The following COL5A2 variants were observed in gnomAD, a reference collection of about 807,000 sequenced individuals.
COL5A2 encodes the protein collagen alpha-2(V) chain.
Under a neutral mutation model 208.2 loss-of-function variants are expected in COL5A2, and 23 were observed. The observed-to-expected ratio is 0.11, with a 90% CI of 0.08 to 0.16. The LOEUF (loss-of-function observed/expected upper bound fraction) is 0.16, where lower values mean the gene tolerates loss of function less well. Ranked by LOEUF, COL5A2 falls within the 10% of genes least tolerant of loss-of-function variation. COL5A2 has a pLI of 1.00. For missense variants in COL5A2, 1,590 were observed against 1,956.4 expected, an observed-to-expected ratio of 0.81 and a Z score of 3.53; for synonymous variants, 625 against 628.5, an observed-to-expected ratio of 0.99 and a Z score of 0.08.
At chr2:189,230,524 A>G in the COL5A2 span, among the ~76,000 whole-genome samples, 29 of 151,882 alleles carry the variant, frequency 1.9e-4, 1 homozygote, top group Non-Finnish European at 3.1e-4. Flanking sequence ...AAATGGACAA[A>G]TGACTTAAAT....
the COL5A2 span, among the ~76,000 whole-genome samples, chr2:189,423,542 T>A: frequency 6.6e-6 from 1 of 151,466 alleles, no homozygotes; most frequent in Non-Finnish European, 1.5e-5. Context: ...ACAAAAAATA[T>A]CACAGTGGAT....
At chr2:189,252,313 G>A in the COL5A2 span, among the ~76,000 whole-genome samples, 6 of 152,136 alleles carry the variant, frequency 3.9e-5, no homozygotes, top group East Asian at 1.9e-4. Flanking sequence ...ACATGCACAC[G>A]TATGTTTATT....
intron 22 of COL5A2, 88 bp downstream of exon 22, chr2:189,066,641 A>T: frequency 7.4e-7 from 1 of 1,350,264 alleles, no homozygotes; most frequent in Admixed American, 1.7e-5. Context: ...TATAATTCTC[A>T]TTATTATTTT....
intron 1 of COL5A2, among the ~76,000 whole-genome samples, chr2:189,144,447 G>A (rs1181249171): frequency 2.6e-5 from 4 of 151,994 alleles, no homozygotes; most frequent in Non-Finnish European, 5.9e-5. Flanking sequence ...ATGTATGTTA[G>A]CTTCATAAGG....
chr2:189,334,103 A>G, the COL5A2 span, among the ~76,000 whole-genome samples: 7 of 151,678 alleles, frequency 4.6e-5, no homozygotes, highest in Admixed American at 4.6e-4. Context: ...CAAATTAGGA[A>G]TAGATAGGAA....
the COL5A2 span, chr2:189,311,126 A>G: frequency 3.4e-6 from 2 of 584,264 alleles, no homozygotes; most frequent in Admixed American, 5.6e-5. Flanking sequence ...GAAGTATCCA[A>G]GGCAACCAGG....
intron 1 of COL5A2, among the ~76,000 whole-genome samples, chr2:189,129,137 C>G (rs539569210): frequency 4.7e-5 from 7 of 150,042 alleles, no homozygotes; most frequent in Non-Finnish European, 1.0e-4. Context: ...GTAGAATTCA[C>G]AAACCAAAAA....
At chr2:189,241,702 A>G in the COL5A2 span, among the ~76,000 whole-genome samples, 1 of 152,130 alleles carries the variant, frequency 6.6e-6, no homozygotes, top group Non-Finnish European at 1.5e-5. Flanking sequence ...TAATAAAAAT[A>G]TTTTTCCCAA....
chr2:189,399,780 G>T, the COL5A2 span, among the ~76,000 whole-genome samples: 1 of 151,910 alleles, frequency 6.6e-6, no homozygotes, highest in African/African-American at 2.4e-5. Flanking sequence ...GCTCACTGTA[G>T]CCTCAATCTC....
chr2:189,139,780 G>T (rs1687900686), intron 1 of COL5A2, among the ~76,000 whole-genome samples: 1 of 152,092 alleles, frequency 6.6e-6, no homozygotes, highest in Non-Finnish European at 1.5e-5. Flanking sequence ...TATTTTAAAA[G>T]TGACCAGATG....
At chr2:189,083,909 G>A (rs1686593625) in intron 12 of COL5A2, 75 bp downstream of exon 12, 11 of 1,048,778 alleles carry the variant, frequency 1.0e-5, no homozygotes, top group Non-Finnish European at 1.7e-5. Context: ...TGATACATGT[G>A]CATACAGAGA....
chr2:189,354,565 T>C, the COL5A2 span, among the ~76,000 whole-genome samples: 4 of 152,246 alleles, frequency 2.6e-5, no homozygotes, highest in African/African-American at 9.6e-5. Context: ...TTTATTTGCA[T>C]AGAGGTGTTT....
the COL5A2 span, among the ~76,000 whole-genome samples, chr2:189,321,519 G>A: frequency 1.3e-5 from 2 of 152,166 alleles, no homozygotes; most frequent in African/African-American, 2.4e-5. Context: ...TGCAATCCTA[G>A]TCTCTGATAA....
the COL5A2 span, among the ~76,000 whole-genome samples, chr2:189,382,192 T>A: frequency 6.6e-6 from 1 of 152,008 alleles, no homozygotes; most frequent in Non-Finnish European, 1.5e-5. Flanking sequence ...AAATAAAAGG[T>A]GATATACAGC....
intron 16 of COL5A2, 50 bp from the exon 17 acceptor site, chr2:189,075,487 ATATTTTCTCTTATT>A: frequency 6.9e-7 from 1 of 1,443,498 alleles, no homozygotes; most frequent in East Asian, 2.3e-5. Flanking sequence ...ATTTTAGACT[ATATTTTCTCTTATT>A]TGCCTTATAA....
At chr2:189,139,584 T>C (rs1687896070) in intron 1 of COL5A2, among the ~76,000 whole-genome samples, 1 of 152,150 alleles carries the variant, frequency 6.6e-6, no homozygotes, top group Non-Finnish European at 1.5e-5. Flanking sequence ...AAGAGGTCAT[T>C]AGACAAAAAC....
chr2:189,201,706 A>G (rs1047817358), intron 1 of COL5A2, among the ~76,000 whole-genome samples: 1 of 152,032 alleles, frequency 6.6e-6, no homozygotes, highest in Non-Finnish European at 1.5e-5. Flanking sequence ...AAGCATTACA[A>G]AAACAGCATG....
the COL5A2 span, among the ~76,000 whole-genome samples, chr2:189,363,164 T>C: frequency 1.3e-5 from 2 of 152,102 alleles, no homozygotes; most frequent in African/African-American, 4.8e-5. Flanking sequence ...TTTAAAAAAA[T>C]TTCTTTCTGC....
intron 1 of COL5A2, among the ~76,000 whole-genome samples, chr2:189,153,708 T>C (rs992262811): frequency 6.6e-6 from 1 of 152,050 alleles, no homozygotes; most frequent in Admixed American, 6.6e-5. Context: ...CTCCCCTCTC[T>C]GGTATCTCTC....
Sources: gnomAD v4.1 joint callset for allele counts (sites outside exome capture counted in the v4.1 genomes callset) on GRCh38, gnomAD v4.1.1 for gene constraint, MANE v1.5 for transcripts, NCBI Gene and HGNC (gene_info 2026-07-23, HGNC 2026-07-21) for gene names.